Variants in SLC44A5 observed in about 807,000 individuals in gnomAD.
SLC44A5 encodes choline transporter-like protein 5.
SLC44A5 carries 57 observed loss-of-function variants against 101.8 expected under a neutral mutation model. That is an observed-to-expected ratio of 0.56 (90% CI 0.45 to 0.70). SLC44A5 has a LOEUF of 0.70. Ranked by LOEUF, SLC44A5 falls within the 30% of genes least tolerant of loss-of-function variation. SLC44A5 has a pLI of 0.00. For missense variants in SLC44A5, 737 were observed against 853.1 expected (o/e 0.86, Z 1.70); for synonymous variants, 281 against 290.9 (o/e 0.97, Z 0.35).
chr1:75,320,411 T>C lies in SLC44A5; in HGVS notation c.101+19171A>G, dbSNP rs553329772. Among the ~76,000 whole-genome samples, 11 of 152,250 alleles carry C rather than the reference T, an allele frequency of 7.2e-5. No individual in the cohort carries two copies. The South Asian group carries it at 2.3e-3, about 32-fold the overall frequency. Reference sequence around the variant, plus strand: ...AATTAATTTGCCCTGTAGCAAATATTAGAGCTATGTGATAGATGTTTAAAT... The same window carrying C: ...AATTAATTTGCCCTGTAGCAAATATCAGAGCTATGTGATAGATGTTTAAAT... On this transcript the variant is annotated intron_variant, in intron 4 of 23. Transcript: ENST00000370859.
At chr1:75,694,272 T>C in the SLC44A5 span, among the ~76,000 whole-genome samples, 2 of 151,150 alleles carry the variant, frequency 1.3e-5, no homozygotes, top group Non-Finnish European at 3.0e-5. Context: ...GTAAGCAGAG[T>C]ATAAAGGTGT....
chr1:75,703,899 A>G, the SLC44A5 span, among the ~76,000 whole-genome samples: 1 of 151,814 alleles, frequency 6.6e-6, no homozygotes, highest in South Asian at 2.1e-4. Flanking sequence ...GAAAAAAAAA[A>G]CCTCCAGGCC....
At chr1:75,293,103 T>C (rs567605981) in intron 5 of SLC44A5, among the ~76,000 whole-genome samples, 1 of 152,262 alleles carries the variant, frequency 6.6e-6, no homozygotes, top group East Asian at 1.9e-4. Context: ...AGAAGAGAAA[T>C]TATTTGTAAA....
intron 2 of SLC44A5, among the ~76,000 whole-genome samples, chr1:75,404,513 T>A (rs1361777656): frequency 6.6e-6 from 1 of 152,288 alleles, no homozygotes; most frequent in African/African-American, 2.4e-5. Context: ...GCAGAAACCC[T>A]ACAGCCAGAA....
the SLC44A5 span, among the ~76,000 whole-genome samples, chr1:75,695,357 C>G: frequency 3.9e-5 from 6 of 152,154 alleles, no homozygotes; most frequent in African/African-American, 1.4e-4. Flanking sequence ...TCAGATAACG[C>G]CAAGTAGACT....
chr1:75,318,231 G>T (rs1350743705), intron 4 of SLC44A5, among the ~76,000 whole-genome samples: 1 of 151,968 alleles, frequency 6.6e-6, no homozygotes, highest in Non-Finnish European at 1.5e-5. Flanking sequence ...AAAAACATTA[G>T]TCACACAGGG....
intron 2 of SLC44A5, among the ~76,000 whole-genome samples, chr1:75,421,264 A>G (rs1663985733): frequency 6.6e-6 from 1 of 152,098 alleles, no homozygotes; most frequent in Admixed American, 6.5e-5. Context: ...TCTACAGCCA[A>G]TCTAGGACTA....
chr1:75,597,279 A>G (rs1360839320), intron 1 of SLC44A5, among the ~76,000 whole-genome samples: 1 of 152,072 alleles, frequency 6.6e-6, no homozygotes, highest in Non-Finnish European at 1.5e-5. Context: ...ACTACAAAAC[A>G]CTGCTCAAAG....
chr1:75,205,914 A>G (rs555906986), intron 23 of SLC44A5: 1 of 152,308 alleles, frequency 6.6e-6, no homozygotes, highest in East Asian at 1.9e-4. Flanking sequence ...ACAGAGGTTC[A>G]TGTTGTTGGA....
At chr1:75,476,533 A>G (rs1043896570) in intron 2 of SLC44A5, among the ~76,000 whole-genome samples, 1 of 152,204 alleles carries the variant, frequency 6.6e-6, no homozygotes, top group Non-Finnish European at 1.5e-5. Context: ...CTGGAAAATC[A>G]GGTCACTCCC....
intron 2 of SLC44A5, among the ~76,000 whole-genome samples, chr1:75,496,055 T>G (rs1668655798): frequency 6.6e-6 from 1 of 152,174 alleles, no homozygotes; most frequent in Admixed American, 6.5e-5. Flanking sequence ...ATCCTTTTTT[T>G]TGGTAATCCC....
the SLC44A5 span, among the ~76,000 whole-genome samples, chr1:75,693,402 A>G: frequency 0.016 from 2,391 of 152,292 alleles, 72 homozygotes; most frequent in African/African-American, 0.053. Flanking sequence ...ATTTGGGGGA[A>G]CAAACCCACT....
chr1:75,323,253 C>G (rs1384690534), intron 4 of SLC44A5, among the ~76,000 whole-genome samples: 1 of 151,402 alleles, frequency 6.6e-6, no homozygotes, highest in African/African-American at 2.4e-5. Flanking sequence ...CATCCATGTC[C>G]CTACAAAGGA....
intron 6 of SLC44A5, among the ~76,000 whole-genome samples, chr1:75,265,048 G>A (rs1264345640): frequency 6.6e-6 from 1 of 152,062 alleles, no homozygotes; most frequent in African/African-American, 2.4e-5. Context: ...ACCTACCAAG[G>A]TTGAATCAAG....
At chr1:75,434,656 C>A (rs1337860105) in intron 2 of SLC44A5, among the ~76,000 whole-genome samples, 1 of 152,096 alleles carries the variant, frequency 6.6e-6, no homozygotes, top group Non-Finnish European at 1.5e-5. Flanking sequence ...TCCTAACCTA[C>A]TGTTTTGCCT....
At chr1:75,356,412 T>G (rs1032155215) in intron 3 of SLC44A5, among the ~76,000 whole-genome samples, 1 of 151,528 alleles carries the variant, frequency 6.6e-6, no homozygotes, top group Non-Finnish European at 1.5e-5. Context: ...TAACAAAAAG[T>G]TTAAAAATTA....
At chr1:75,350,404 G>C (rs1447307581) in intron 3 of SLC44A5, among the ~76,000 whole-genome samples, 3 of 151,842 alleles carry the variant, frequency 2.0e-5, no homozygotes, top group African/African-American at 7.3e-5. Flanking sequence ...AATGTGTACT[G>C]TTTGAGCCAC....
At chr1:75,685,409 G>A in the SLC44A5 span, among the ~76,000 whole-genome samples, 2 of 152,106 alleles carry the variant, frequency 1.3e-5, no homozygotes, top group Admixed American at 6.6e-5. Context: ...TAATCACGCT[G>A]CAAATTTTCT....
At chr1:75,631,175 G>GTGAATCACTGCAGCT in the SLC44A5 span, among the ~76,000 whole-genome samples, 1 of 152,210 alleles carries the variant, frequency 6.6e-6, no homozygotes, top group Non-Finnish European at 1.5e-5. Context: ...CTAGAGAGGA[G>GTGAATCACTGCAGCT]TGAATCACTG....
Sources: allele counts gnomAD v4.1 joint callset (sites outside exome capture counted in the v4.1 genomes callset), GRCh38; gene constraint gnomAD v4.1.1; transcripts MANE v1.5; gene names NCBI Gene and HGNC (gene_info 2026-07-23, HGNC 2026-07-21).